The following SARM1 variants were observed in gnomAD, a reference collection of about 807,000 sequenced individuals.
SARM1 encodes the protein sterile alpha and TIR motif containing 1, also known as NAD(+) hydrolase SARM1.
Under a neutral mutation model 65.1 loss-of-function variants are expected in SARM1, and 60 were observed. That is an observed-to-expected ratio of 0.92 (90% CI 0.75 to 1.14). The LOEUF is 1.14. SARM1 is among the 50% of genes most tolerant of loss of function. SARM1 has a pLI of 0.00. For synonymous variants in SARM1, 417 were observed against 465.4 expected, an observed-to-expected ratio of 0.90 and a Z score of 1.34; for missense variants, 913 against 1,015.7, an observed-to-expected ratio of 0.90 and a Z score of 1.37.
rs1555589089 is a variant in SARM1 at position 28,399,676 on chromosome 17, G to C, written c.*3390G>C. On this transcript the variant is annotated 3_prime_UTR_variant, in exon 9 of 9. Transcript: ENST00000585482. The stretch of plus-strand genomic sequence containing the variant: ...GCAGATCAGGGGCTCTGGGGAAACT[G>C]CTGGAACTCGAGGTGAGGATCAGCC... The C allele has an allele frequency of 6.2e-7, 1 of 1,613,994 alleles. No homozygotes were observed. The highest frequency in any genetic ancestry group is 8.5e-7 in the Non-Finnish European group (1 of 1,179,884).
At position 28,372,518 on chromosome 17, in the gene SARM1, C is replaced by T; in HGVS notation, c.470+16C>T. 6.6e-7 allele frequency: 1 copy of T among 1,516,336 alleles called. No individual in the cohort carries two copies. The highest frequency in any genetic ancestry group is 1.4e-5 in the African/African-American group (1 of 70,974). 93.9% of individuals were successfully genotyped at this position (1,516,336 alleles called of 1,614,324 possible). On this transcript the variant is annotated intron_variant, in intron 1 of 8. Coordinates refer to ENST00000585482, the MANE Select transcript of SARM1 (RefSeq NM_015077.4). The surrounding 1 kb of genome is among the most constrained non-coding windows in gnomAD (Gnocchi z 5.2). Reference sequence around the variant, plus strand: ...CTGAGAACCGGTGAGCGCGCCAGGCCGGGGTTGGGAGAGCGCCGCGTGGTG... The same window carrying T: ...CTGAGAACCGGTGAGCGCGCCAGGCTGGGGTTGGGAGAGCGCCGCGTGGTG...
rs1179014253 is a variant in SARM1 at position 28,384,380 on chromosome 17, C to G, written c.1113C>G (p.Ile371Met). The G allele has an allele frequency of 6.2e-7, 1 of 1,603,726 alleles. No individual in the cohort carries two copies. Among genetic ancestry groups the G allele is most frequent in the South Asian group, 1.1e-5 (1 of 90,004 alleles). Residue 371 changes from isoleucine to methionine, a missense_variant, in exon 3 of 9, where the codon ATC becomes ATG. Ile to Met is a conservative substitution (Grantham distance 10). Coordinates refer to ENST00000585482, the MANE Select transcript of SARM1 (RefSeq NM_015077.4). The surrounding 1 kb of genome is among the most constrained non-coding windows in gnomAD (Gnocchi z 4.4). ...AGGTGTTCAGCGACATCGGCGCCATCCAGAGCCTGAAACGCCTGGTTTCCT... is the reference window on the plus strand; with the variant it reads ...AGGTGTTCAGCGACATCGGCGCCATGCAGAGCCTGAAACGCCTGGTTTCCT... ...KTKVFSDIGA[I>M]QSLKRLVSYS...
rs1028128966 is a variant in SARM1, at chr17:28,396,788, C to T, written c.*502C>T. On this transcript the variant is annotated 3_prime_UTR_variant, in exon 9 of 9. Coordinates refer to ENST00000585482, the MANE Select transcript of SARM1 (RefSeq NM_015077.4). ...ACTCAGACTGTGCCTGGCCCCTGCA[C>T]TTACAACTTCCTGCCGCTCTGTGGC... 9.5e-5 allele frequency: 15 copies of T among 158,012 alleles called. No individual in the cohort carries two copies. Among genetic ancestry groups the T allele is most frequent in the Non-Finnish European group, 8.4e-5 (6 of 71,752 alleles). 9.8% of individuals were successfully genotyped at this position (158,012 alleles called of 1,614,324 possible).
At chr17:28,388,661 C>T in intron 7 of SARM1, 122 bp downstream of exon 7, 2 of 1,008,756 alleles carry the variant, frequency 2.0e-6, no homozygotes, top group Non-Finnish European at 2.9e-6. Flanking sequence ...ACCTCCTTGG[C>T]CCAGCTGGAA....
At chr17:28,387,609 G>C (rs782577248) in intron 5 of SARM1, among the ~76,000 whole-genome samples, 4 of 152,224 alleles carry the variant, frequency 2.6e-5, no homozygotes, top group Non-Finnish European at 4.4e-5. Flanking sequence ...CCGGAGGCTG[G>C]AGTCCAGTAT....
chr17:28,382,765 G>T (rs959672801), intron 2 of SARM1, among the ~76,000 whole-genome samples: 1 of 152,284 alleles, frequency 6.6e-6, no homozygotes, highest in Middle Eastern at 3.4e-3. Flanking sequence ...GCCTAGGCTG[G>T]CATCAAACTC....
chr17:28,371,961 T>C lies in SARM1; in HGVS notation c.-72T>C, dbSNP rs2067956973. 3.6e-5 allele frequency: 44 copies of C among 1,226,476 alleles called. 1 individual carries two copies. The South Asian group carries it at 6.8e-4, about 19-fold the overall frequency. 76.0% of individuals were successfully genotyped at this position (1,226,476 alleles called of 1,614,324 possible). ...TTCCCCGACCCCTCTCGGGTCCCTC[T>C]TTTCCCAAAACCCGGGTCTCTCCGC... is the stretch of plus-strand genomic sequence containing the variant. On this transcript the variant is annotated 5_prime_UTR_variant, in exon 1 of 9. Transcript: ENST00000585482.
Position 28,402,213 on chromosome 17 carries a change from G to A in SARM1, c.*5927G>A. 2 of 1,602,968 alleles carry A rather than the reference G, an allele frequency of 1.2e-6. No individual in the cohort carries two copies. The highest frequency in any genetic ancestry group is 1.3e-5 in the African/African-American group (1 of 74,896). The stretch of plus-strand genomic sequence containing the variant: ...GGGCAGCACTGGACATGAGGAACCA[G>A]ACACAGGTGGGTTCTGACACTCACC... On this transcript the variant is annotated 3_prime_UTR_variant, in exon 9 of 9. Coordinates refer to ENST00000585482, the MANE Select transcript of SARM1 (RefSeq NM_015077.4).
chr17:28,379,392 G>C (rs2068009319), intron 1 of SARM1, among the ~76,000 whole-genome samples: 1 of 131,424 alleles, frequency 7.6e-6, no homozygotes, highest in Admixed American at 9.2e-5. Flanking sequence ...CTCACTGCAA[G>C]CTCCGCCTCC....
At chr17:28,391,727 A>AG (rs1555586922) in intron 7 of SARM1, among the ~76,000 whole-genome samples, 1,268 of 116,828 alleles carry the variant, frequency 0.011, 8 homozygotes, top group African/African-American at 0.016. Context: ...AAAAAAAAAA[A>AG]AGAGAGAGAG....
intron 1 of SARM1, among the ~76,000 whole-genome samples, chr17:28,379,808 G>A (rs1235662190): frequency 3.9e-5 from 6 of 152,190 alleles, no homozygotes; most frequent in African/African-American, 7.2e-5. Flanking sequence ...TTGGAATGAC[G>A]AACCATGAAG....
At chr17:28,392,015 C>G (rs2142437400) in intron 7 of SARM1, among the ~76,000 whole-genome samples, 1 of 151,940 alleles carries the variant, frequency 6.6e-6, no homozygotes, top group East Asian at 1.9e-4. Flanking sequence ...GCATGAGCCA[C>G]CGTGCCCAGC....
intron 7 of SARM1, among the ~76,000 whole-genome samples, chr17:28,391,183 C>T (rs2068077984): frequency 6.6e-6 from 1 of 152,208 alleles, no homozygotes; most frequent in Non-Finnish European, 1.5e-5. Context: ...GGAGTATTTA[C>T]ACCAAGGAAA....
At chr17:28,378,618 TTTTTTG>T (rs200137194) in intron 1 of SARM1, among the ~76,000 whole-genome samples, 3,979 of 152,196 alleles carry the variant, frequency 0.026, 165 homozygotes, top group African/African-American at 0.09. Context: ...TTTTATTGGT[TTTTTTG>T]TTTTTGTTTT....
intron 7 of SARM1, among the ~76,000 whole-genome samples, chr17:28,393,471 AGCC>A (rs1469095010): frequency 3.8e-4 from 57 of 151,956 alleles, no homozygotes; most frequent in African/African-American, 1.3e-3. Flanking sequence ...GGATGGCTTG[AGCC>A]CAGGAGGTTG....
rs2068133064 is a variant in SARM1 at position 28,396,958 on chromosome 17, G to C, written c.*672G>C. On this transcript the variant is annotated 3_prime_UTR_variant, in exon 9 of 9. Transcript: ENST00000585482. ...TCCCTCTGACTTCCTTGTCACTGCAGCCAGCTTTGCTGCACTTGCTGGTGC... is the reference window on the plus strand; with the variant it reads ...TCCCTCTGACTTCCTTGTCACTGCACCCAGCTTTGCTGCACTTGCTGGTGC... 6.6e-6 allele frequency: 1 copy of C among 152,418 alleles called. No individual in the cohort carries two copies. The highest frequency in any genetic ancestry group is 2.4e-5 in the African/African-American group (1 of 41,468). The allele number at this position is 152,418 out of a possible 1,614,324, so 9.4% of individuals were successfully genotyped here. A position where few individuals can be genotyped will look rare whatever the true frequency, so the allele number is the denominator to read the frequency against.
rs1555586342 is a variant in SARM1, at chr17:28,388,239, A to G, written c.1696A>G (p.Ile566Val). ...KPSGDTPDVFISYRRNSGSQL... is the reference protein window; with the variant it reads ...KPSGDTPDVFVSYRRNSGSQL... ...CAGTGGGGACACTCCAGATGTCTTC[A>G]TCAGCTACCGCCGGAACTCAGGTTC... Residue 566 changes from isoleucine (I) to valine (V), a missense_variant, in exon 6 of 9, where the codon ATC becomes GTC. Physicochemically the swap from Ile to Val is conservative, Grantham distance 29. Around this residue, in one of 3 missense-constraint regions of SARM1, gnomAD observed 862 missense variants for 952.1 expected, o/e 0.91. Coordinates refer to ENST00000585482, the MANE Select transcript of SARM1 (RefSeq NM_015077.4). 1.3e-6 allele frequency: 2 copies of G among 1,551,842 alleles called. No individual in the cohort carries two copies. Among genetic ancestry groups the G allele is most frequent in the Non-Finnish European group, 1.7e-6 (2 of 1,147,896 alleles).
chr17:28,381,604 GC>G lies in SARM1; in HGVS notation c.873del (p.Thr292ArgfsTer83). On this transcript the variant is annotated frameshift_variant, in exon 2 of 9. Transcript: ENST00000585482. LOFTEE classifies it high-confidence loss of function. ...KEVEREVERS[G>X]TLALVEPLVA... ...GTGGAGCGCGAGGTGGAGCGCTCGG[GC>G]ACGCTGGCGCTCGTGGAGCCGCTTG... The G allele has an allele frequency of 3.2e-6, 5 of 1,584,070 alleles. No homozygotes were observed. Among genetic ancestry groups the G allele is most frequent in the Middle Eastern group, 1.7e-4 (1 of 6,010 alleles).
chr17:28,387,499 CA>C (rs1187882702), intron 5 of SARM1, among the ~76,000 whole-genome samples: 1 of 55,582 alleles, frequency 1.8e-5, no homozygotes, highest in African/African-American at 8.0e-5. Flanking sequence ...GCTGGGATTA[CA>C]GGTGTGGGCC....
Sources: gnomAD v4.1 joint callset for allele counts (sites outside exome capture counted in the v4.1 genomes callset) on GRCh38, gnomAD v4.1.1 for gene constraint, gnomAD v4.1.1 regional missense constraint, Gnocchi (gnomAD v3.1) non-coding constraint, MANE v1.5 for transcripts, NCBI Gene and HGNC (gene_info 2026-07-23, HGNC 2026-07-21) for gene names.